The following DGKB variants were observed in gnomAD, a reference collection of about 807,000 sequenced individuals.
DGKB encodes the protein 90 kDa diacylglycerol kinase.
In DGKB, 67 loss-of-function variants were observed where a neutral mutation model predicts 114.3. That is an observed-to-expected ratio of 0.59 (90% CI 0.48 to 0.72). The LOEUF (loss-of-function observed/expected upper bound fraction) is 0.72, where lower values mean the gene tolerates loss of function less well. Among genes scored for constraint, DGKB ranks in the 30% least tolerant of loss-of-function variants. The probability of loss-of-function intolerance (pLI) is 0.00; values close to 1 mark genes in which losing one functional copy is unlikely to be tolerated. For missense variants in DGKB, 907 were observed against 975.2 expected (o/e 0.93, Z 0.93); for synonymous variants, 398 against 323.1 (o/e 1.23, Z -2.49).
intron 20 of DGKB, among the ~76,000 whole-genome samples, chr7:14,509,994 T>C (rs978627031): frequency 1.3e-5 from 2 of 152,058 alleles, no homozygotes; most frequent in Non-Finnish European, 2.9e-5. Context: ...GCTGACACGG[T>C]GAAACCCCGT....
intron 1 of DGKB, among the ~76,000 whole-genome samples, chr7:14,931,779 A>G (rs2128251103): frequency 6.7e-6 from 1 of 149,762 alleles, no homozygotes; most frequent in East Asian, 2.0e-4. Context: ...TATAAGATAC[A>G]CCACCTGGCT....
chr7:14,181,087 A>T (rs1466987006), intron 23 of DGKB, among the ~76,000 whole-genome samples: 1 of 152,168 alleles, frequency 6.6e-6, no homozygotes, highest in Non-Finnish European at 1.5e-5. Context: ...ATAACATCTG[A>T]AAATTATATA....
At chr7:14,160,094 G>T (rs1337995477) in intron 25 of DGKB, among the ~76,000 whole-genome samples, 2 of 152,082 alleles carry the variant, frequency 1.3e-5, no homozygotes, top group Non-Finnish European at 2.9e-5. Context: ...AGAATGATAT[G>T]ATATAATCTA....
chr7:14,272,162 G>A (rs12674041), intron 23 of DGKB, among the ~76,000 whole-genome samples: 16,593 of 152,106 alleles, frequency 0.11, 947 homozygotes, highest in East Asian at 0.15. Flanking sequence ...TTATTTATAT[G>A]CTATTTTTCA....
intron 19 of DGKB, among the ~76,000 whole-genome samples, chr7:14,580,267 A>G (rs953120744): frequency 2.0e-5 from 3 of 152,028 alleles, no homozygotes; most frequent in African/African-American, 7.2e-5. Flanking sequence ...CTTCTATGTC[A>G]TATCCTCAGT....
chr7:14,173,312 A>G (rs998142629), intron 25 of DGKB, among the ~76,000 whole-genome samples: 1 of 152,170 alleles, frequency 6.6e-6, no homozygotes, highest in African/African-American at 2.4e-5. Flanking sequence ...TAATTTTTCT[A>G]TTAGTGACTT....
intron 20 of DGKB, among the ~76,000 whole-genome samples, chr7:14,492,902 A>G (rs897092292): frequency 6.6e-6 from 1 of 152,148 alleles, no homozygotes; most frequent in African/African-American, 2.4e-5. Flanking sequence ...GTAGGCTGTC[A>G]TAAATAGTAA....
chr7:14,358,549 A>C (rs1164521294), intron 21 of DGKB, among the ~76,000 whole-genome samples: 3 of 152,180 alleles, frequency 2.0e-5, no homozygotes, highest in Non-Finnish European at 4.4e-5. Context: ...GTATATTTAG[A>C]AAACCCCATC....
At position 14,542,122 on chromosome 7, in the gene DGKB, C is replaced by T. The variant is rs1176657800; in HGVS notation, c.1770+32090G>A. Among the ~76,000 whole-genome samples the T allele has an allele frequency of 2.0e-5, 3 of 152,042 alleles. No individual in the cohort carries two copies. In the East Asian group the frequency reaches 5.8e-4, roughly 29 times the overall value. On this transcript the variant is annotated intron_variant, in intron 20 of 25. Coordinates refer to ENST00000402815, the MANE Select transcript of DGKB (RefSeq NM_001350709.2). Reference sequence around the variant, plus strand: ...GCCTTTACAAAATTCTACAATGGTTCCTCATGGGCCATTCTTAACCTCCAC... The same window carrying T: ...GCCTTTACAAAATTCTACAATGGTTTCTCATGGGCCATTCTTAACCTCCAC...
intron 19 of DGKB, among the ~76,000 whole-genome samples, chr7:14,577,611 C>T (rs189381871): frequency 5.9e-4 from 88 of 149,364 alleles, no homozygotes; most frequent in Non-Finnish European, 8.7e-4. Context: ...AGTGAGACTC[C>T]GTCTCAAAAA....
chr7:14,857,258 T>TTGTGTGTGTGTGTGTGTGTGTGTG (rs140695633), intron 1 of DGKB, among the ~76,000 whole-genome samples: 2,978 of 138,288 alleles, frequency 0.022, 79 homozygotes, highest in East Asian at 0.077. Flanking sequence ...CTGTGTGTGT[T>TTGTGTGTGTGTGTGTGTGTGTGTG]TGTGTGTGTG....
chr7:14,577,262 A>G (rs1395009344), intron 19 of DGKB, among the ~76,000 whole-genome samples: 1 of 152,308 alleles, frequency 6.6e-6, no homozygotes, highest in Non-Finnish European at 1.5e-5. Flanking sequence ...CTGAATCTAA[A>G]AAGTCATAGA....
chr7:14,155,688 T>C (rs1782908741), intron 25 of DGKB, among the ~76,000 whole-genome samples: 1 of 151,956 alleles, frequency 6.6e-6, no homozygotes, highest in African/African-American at 2.4e-5. Flanking sequence ...CAGGATACGA[T>C]GGGTGAGTGG....
At chr7:14,763,963 T>G (rs1051785598) in intron 2 of DGKB, among the ~76,000 whole-genome samples, 5 of 151,932 alleles carry the variant, frequency 3.3e-5, no homozygotes, top group African/African-American at 1.2e-4. Flanking sequence ...AGAGGCTCAA[T>G]GGGACCATGG....
intron 20 of DGKB, among the ~76,000 whole-genome samples, chr7:14,549,413 T>TAAA (rs1794790519): frequency 1.3e-5 from 2 of 151,632 alleles, no homozygotes. Context: ...TATTTTTTTT[T>TAAA]AAAAAATTGA....
chr7:14,406,219 A>T (rs963602226), intron 21 of DGKB, among the ~76,000 whole-genome samples: 1 of 151,984 alleles, frequency 6.6e-6, no homozygotes, highest in African/African-American at 2.4e-5. Flanking sequence ...ATGACACAAT[A>T]GCCTAGCAAA....
chr7:14,624,295 T>G (rs1325066535), intron 14 of DGKB, among the ~76,000 whole-genome samples: 1 of 152,210 alleles, frequency 6.6e-6, no homozygotes, highest in Non-Finnish European at 1.5e-5. Context: ...GCATCAATAT[T>G]TTGTAAAAAT....
chr7:14,595,656 T>C (rs1802460540), intron 17 of DGKB, among the ~76,000 whole-genome samples: 2 of 151,442 alleles, frequency 1.3e-5, no homozygotes, highest in Admixed American at 1.3e-4. Context: ...AGATTGTAAA[T>C]TTAAGATAGC....
chr7:14,375,501 C>T (rs17168115), intron 21 of DGKB, among the ~76,000 whole-genome samples: 75 of 152,332 alleles, frequency 4.9e-4, no homozygotes, highest in African/African-American at 1.7e-3. Flanking sequence ...ATAAAGTATT[C>T]ATTTCAGATC....
Sources: allele counts gnomAD v4.1 joint callset (sites outside exome capture counted in the v4.1 genomes callset), GRCh38; gene constraint gnomAD v4.1.1; transcripts MANE v1.5; gene names NCBI Gene and HGNC (gene_info 2026-07-23, HGNC 2026-07-21).